CAMTA2: variants seen among roughly 807,000 people sequenced by gnomAD.
The protein encoded by CAMTA2 is calmodulin binding transcription activator 2.
CAMTA2 carries 56 observed loss-of-function variants against 135.7 expected under a neutral mutation model. The ratio of observed to expected loss-of-function variants is 0.41; its 90% CI spans 0.33 to 0.52. CAMTA2 has a LOEUF of 0.52. Ranked by LOEUF, CAMTA2 falls within the 20% of genes least tolerant of loss-of-function variation. CAMTA2 has a pLI of 0.16. For missense variants in CAMTA2, 1,358 were observed against 1,553.4 expected (o/e 0.87, Z 2.11); for synonymous variants, 591 against 604.6 (o/e 0.98, Z 0.33).
chr17:4,981,214 G>T lies in CAMTA2; in HGVS notation c.700+11C>A. On this transcript the variant is annotated intron_variant, in intron 8 of 22. Coordinates refer to ENST00000348066, the MANE Select transcript of CAMTA2 (RefSeq NM_015099.4). Reference sequence around the variant, plus strand: ...GTGGGAAGACAGCCAAAAGGTCAGGGAGTAACTTACCAAGCCCCCCACTGC... The same window carrying T: ...GTGGGAAGACAGCCAAAAGGTCAGGTAGTAACTTACCAAGCCCCCCACTGC... The T allele has an allele frequency of 6.2e-7, 1 of 1,612,774 alleles. No homozygotes were observed. Among genetic ancestry groups the T allele is most frequent in the Non-Finnish European group, 8.5e-7 (1 of 1,179,712 alleles).
intron 12 of CAMTA2, 147 bp from the exon 13 acceptor site, chr17:4,973,916 C>G (rs1019516007): frequency 3.1e-6 from 2 of 651,342 alleles, no homozygotes; most frequent in African/African-American, 3.7e-5. Flanking sequence ...GTTGAAGTTC[C>G]TCTGTGGCCT....
Position 4,980,694 on chromosome 17 carries a change from T to A in CAMTA2, c.701-73A>T. 8.5e-7 allele frequency: 1 copy of A among 1,171,024 alleles called. No homozygotes were observed. The highest frequency in any genetic ancestry group is 1.3e-6 in the Non-Finnish European group (1 of 793,190). 72.5% of individuals were successfully genotyped at this position (1,171,024 alleles called of 1,614,324 possible). A position where few individuals can be genotyped will look rare whatever the true frequency, so the allele number is the denominator to read the frequency against. On this transcript the variant is annotated intron_variant, in intron 8 of 22. Coordinates refer to ENST00000348066, the MANE Select transcript of CAMTA2 (RefSeq NM_015099.4). This position sits in a 1 kb window ranked among gnomAD's most constrained non-coding sequence, Gnocchi z 5.3. ...CGCACCTTCTCTACCTTGAGGCCCTTAAAAGTATTTCCTGGGACGTCCCTA... is the reference window on the plus strand; with the variant it reads ...CGCACCTTCTCTACCTTGAGGCCCTAAAAAGTATTTCCTGGGACGTCCCTA...
At position 4,982,153 on chromosome 17, in the gene CAMTA2, T is replaced by C. The variant is rs1972996359; in HGVS notation, c.347A>G (p.Tyr116Cys). Residue 116 changes from tyrosine to cysteine, a missense_variant, in exon 6 of 23, where the codon TAT (tyrosine) becomes TGT (cysteine). By Grantham distance (194) the Tyr-to-Cys change is radical (BLOSUM62 -2). Transcript: ENST00000348066. The stretch of plus-strand genomic sequence containing the variant: ...GATGGAAGAGTGAACGTAGCAGCCA[T>C]AGAGACACTGCCAGGAGACAGGCTG... The part of the protein sequence containing the change: ...KLKVQGMECL[Y>C]GCYVHSSIVP... 1 of 1,131,714 alleles carries C rather than the reference T, an allele frequency of 8.8e-7. No homozygotes were observed. Among genetic ancestry groups the C allele is most frequent in the Non-Finnish European group, 1.2e-6 (1 of 811,874 alleles). The allele number at this position is 1,131,714 out of a possible 1,614,324, so 70.1% of individuals were successfully genotyped here.
chr17:4,972,493 G>A lies in CAMTA2; in HGVS notation c.2547C>T (p.Thr849=), dbSNP rs1285317299. The A allele has an allele frequency of 6.2e-7, 1 of 1,611,574 alleles. No individual in the cohort carries two copies. The highest frequency in any genetic ancestry group is 2.2e-5 in the East Asian group (1 of 44,774). The change falls in exon 16 of 23, where the codon ACC becomes ACT. Residue 849 remains threonine, a synonymous_variant. Transcript: ENST00000348066. ...VSSPSELSDG[T]FSVTSAYSSA... is the part of the protein sequence containing the mutation. ...TAGAATAGGCTGACGTGACGGAAAA[G>A]GTGCCATCCGACAGCTCCGAGGGCG... is the stretch of plus-strand genomic sequence containing the variant.
intron 16 of CAMTA2, among the ~76,000 whole-genome samples, chr17:4,971,616 A>G (rs183415382): frequency 6.6e-6 from 1 of 151,762 alleles, no homozygotes; most frequent in Admixed American, 6.6e-5. Context: ...AAGTGATGGG[A>G]TTACAGGGGT....
In CAMTA2 at chr17:4,972,338, G is replaced by A; in HGVS notation, c.2702C>T (p.Thr901Ile). Residue 901 changes from threonine to isoleucine, a missense_variant, in exon 16 of 23, where the codon ACC becomes ATC. Physicochemically the swap from Thr to Ile is moderately conservative, Grantham distance 89 (BLOSUM62 -1). Around this residue, in one of 4 missense-constraint regions of CAMTA2, gnomAD observed 1,077 missense variants for 1,127.5 expected, o/e 0.96. Coordinates refer to ENST00000348066, the MANE Select transcript of CAMTA2 (RefSeq NM_015099.4). ...GGAGGAGAGGGGCCCCTTGGAGTTG[G>A]TAGCCTCATAGTCCATGAGGAGTAG... is the stretch of plus-strand genomic sequence containing the variant. ...APLLLMDYEATNSKGPLSSLP... is the reference protein window; with the variant it reads ...APLLLMDYEAINSKGPLSSLP... 1.9e-6 allele frequency: 3 copies of A among 1,613,666 alleles called. No individual in the cohort carries two copies. Among genetic ancestry groups the A allele is most frequent in the Non-Finnish European group, 1.7e-6 (2 of 1,179,698 alleles).
At chr17:4,982,332 T>C (rs1457244280) in intron 5 of CAMTA2, 172 bp from the exon 6 acceptor site, 2 of 617,910 alleles carry the variant, frequency 3.2e-6, no homozygotes, top group Non-Finnish European at 5.8e-6. Context: ...CCCTGAGTCA[T>C]AGATGAGCAG....
chr17:4,973,556 C>G (rs1432635677), intron 13 of CAMTA2, 29 bp downstream of exon 13: 1 of 1,592,642 alleles, frequency 6.3e-7, no homozygotes, highest in Admixed American at 1.7e-5. Flanking sequence ...CAGAGGCTGC[C>G]CAGCCCTCAC....
At chr17:4,979,424 C>T (rs1388973078) in intron 9 of CAMTA2, 10 of 267,886 alleles carry the variant, frequency 3.7e-5, no homozygotes, top group Admixed American at 2.2e-4. Context: ...GCAGGAGAAT[C>T]GTTTGAACCC....
At chr17:4,975,116 T>C (rs1658295243) in intron 11 of CAMTA2, among the ~76,000 whole-genome samples, 1 of 150,894 alleles carries the variant, frequency 6.6e-6, no homozygotes, top group Non-Finnish European at 1.5e-5. Context: ...TACACACATA[T>C]CCCCCCAAGC....
rs748755385 is a variant in CAMTA2, at chr17:4,986,177, G to C, written c.31+15C>G. 3 of 1,517,452 alleles carry C rather than the reference G, an allele frequency of 2.0e-6. No individual in the cohort carries two copies. The highest frequency in any genetic ancestry group is 3.3e-5 in the Admixed American group (2 of 59,890). The allele number at this position is 1,517,452 out of a possible 1,614,324, so 94.0% of individuals were successfully genotyped here. A position where few individuals can be genotyped will look rare whatever the true frequency, so the allele number is the denominator to read the frequency against. ...AAGGCTGTGGCCACATTGGGAACCT[G>C]GTTTGTGAACTTACCAGCAACCTCG... On this transcript the variant is annotated intron_variant, in intron 2 of 22. Transcript: ENST00000348066.
intron 11 of CAMTA2, 60 bp from the exon 12 acceptor site, chr17:4,974,560 A>G (rs1252887381): frequency 2.1e-6 from 2 of 967,832 alleles, no homozygotes; most frequent in African/African-American, 3.2e-5. Context: ...CTGAACACCA[A>G]AAGTAGACCT....
At chr17:4,986,874 C>A (rs1479361611) in intron 1 of CAMTA2, 3 of 1,186,946 alleles carry the variant, frequency 2.5e-6, no homozygotes, top group Non-Finnish European at 3.6e-6. Flanking sequence ...GGACAACCCA[C>A]CCTCCGGCTG....
Position 4,968,821 on chromosome 17 carries a change from T to A in CAMTA2, c.3546-2A>T. ...TGGTTCTGCTTCAGTTCCCTCATCCTGCAGAGAGAAAGATAGGAGTCAGAG... is the reference window on the plus strand; with the variant it reads ...TGGTTCTGCTTCAGTTCCCTCATCCAGCAGAGAGAAAGATAGGAGTCAGAG... On this transcript the variant is annotated splice_acceptor_variant, in intron 22 of 22. Coordinates refer to ENST00000348066, the MANE Select transcript of CAMTA2 (RefSeq NM_015099.4). LOFTEE classifies it high-confidence loss of function. 1.9e-6 allele frequency: 3 copies of A among 1,613,944 alleles called. No homozygotes were observed. The highest frequency in any genetic ancestry group is 2.5e-6 in the Non-Finnish European group (3 of 1,179,814).
intron 11 of CAMTA2, among the ~76,000 whole-genome samples, chr17:4,975,390 A>G (rs1321325569): frequency 6.6e-6 from 1 of 152,158 alleles, no homozygotes; most frequent in Non-Finnish European, 1.5e-5. Context: ...AAAGTGCCAA[A>G]CAAGCAGTAA....
intron 3 of CAMTA2, among the ~76,000 whole-genome samples, chr17:4,984,661 T>C (rs1396733184): frequency 6.6e-6 from 1 of 152,214 alleles, no homozygotes; most frequent in Non-Finnish European, 1.5e-5. Flanking sequence ...GTATGCAGAA[T>C]ACAGAAAATG....
intron 1 of CAMTA2, chr17:4,986,615 G>C (rs1338924532): frequency 5.8e-6 from 3 of 515,376 alleles, no homozygotes. Context: ...GTCAGGTCCT[G>C]GGGGTTGGGA....
At chr17:4,974,059 C>G (rs2151170704) in intron 12 of CAMTA2, 1 of 536,770 alleles carries the variant, frequency 1.9e-6, no homozygotes, top group East Asian at 3.2e-5. Flanking sequence ...AGAGCCTTCT[C>G]TGAGCCTTAG....
chr17:4,982,468 G>A (rs968517866), intron 5 of CAMTA2, among the ~76,000 whole-genome samples: 1 of 152,252 alleles, frequency 6.6e-6, no homozygotes, highest in African/African-American at 2.4e-5. Context: ...TGTGCTGAGA[G>A]CATCATTGCT....
Sources: gnomAD v4.1 joint callset for allele counts (sites outside exome capture counted in the v4.1 genomes callset) on GRCh38, gnomAD v4.1.1 for gene constraint, gnomAD v4.1.1 regional missense constraint, Gnocchi (gnomAD v3.1) non-coding constraint, MANE v1.5 for transcripts, NCBI Gene and HGNC (gene_info 2026-07-23, HGNC 2026-07-21) for gene names.